Variants in LRRC28 observed in about 807,000 individuals in gnomAD.
LRRC28 encodes leucine-rich repeat-containing protein 28.
In LRRC28, 39 loss-of-function variants were observed where a neutral mutation model predicts 45.7. The ratio of observed to expected loss-of-function variants is 0.85; its 90% confidence interval spans 0.66 to 1.12. LRRC28 has a LOEUF of 1.12. Ranked by LOEUF, LRRC28 falls within the 50% of genes most tolerant of loss-of-function variation. The pLI is 0.00. For synonymous variants in LRRC28, 206 were observed against 178.8 expected (o/e 1.15, Z -1.22); for missense variants, 435 against 438.5 (o/e 0.99, Z 0.07).
At chr15:99,288,628 C>T (rs948940222) in intron 5 of LRRC28, among the ~76,000 whole-genome samples, 2 of 152,046 alleles carry the variant, frequency 1.3e-5, no homozygotes, top group Non-Finnish European at 2.9e-5. Context: ...GATCCACCTG[C>T]CTTGGCCTCC....
At chr15:99,379,506 G>C (rs1957751476) in intron 9 of LRRC28, among the ~76,000 whole-genome samples, 2 of 152,100 alleles carry the variant, frequency 1.3e-5, no homozygotes, top group Admixed American at 1.3e-4. Context: ...TGGATTGATT[G>C]ATTTTTTGAA....
chr15:99,256,367 A>T (rs1244253496), intron 2 of LRRC28: 1 of 320,368 alleles, frequency 3.1e-6, no homozygotes, highest in Non-Finnish European at 5.7e-6. Context: ...TGTATGACTT[A>T]TAAAGTTAGT....
intron 9 of LRRC28, among the ~76,000 whole-genome samples, chr15:99,370,133 A>G (rs1472565738): frequency 6.6e-6 from 1 of 152,240 alleles, no homozygotes; most frequent in Non-Finnish European, 1.5e-5. Flanking sequence ...AACTGGGCCA[A>G]GGTGTCATAG....
At chr15:99,285,102 A>G (rs2081922405) in intron 3 of LRRC28, 9 of 704,772 alleles carry the variant, frequency 1.3e-5, no homozygotes, top group Non-Finnish European at 2.1e-5. Flanking sequence ...TGACAGTCTT[A>G]TCCACGAAGT....
chr15:99,301,486 G>C (rs532374539), intron 5 of LRRC28, among the ~76,000 whole-genome samples: 3 of 152,114 alleles, frequency 2.0e-5, no homozygotes, highest in African/African-American at 7.2e-5. Context: ...TCCCACAACG[G>C]AATTCCATGG....
chr15:99,324,218 G>C (rs1285459790), intron 5 of LRRC28, among the ~76,000 whole-genome samples: 1 of 152,126 alleles, frequency 6.6e-6, no homozygotes, highest in East Asian at 1.9e-4. Flanking sequence ...ACTGGACTAA[G>C]GGCTGATTCA....
intron 5 of LRRC28, among the ~76,000 whole-genome samples, chr15:99,293,300 G>A (rs527430782): frequency 1.3e-5 from 2 of 152,006 alleles, no homozygotes; most frequent in South Asian, 4.1e-4. Context: ...TCAGTTGTCT[G>A]TAAAATACTA....
At position 99,350,142 on chromosome 15, in the gene LRRC28, C is replaced by CAA. The variant is rs71149462; in HGVS notation, c.593-2211_593-2210dup. Among the ~76,000 whole-genome samples the CAA allele has an allele frequency of 5.4e-3, 530 of 97,634 alleles. 4 individuals are homozygous for CAA. The highest frequency in any genetic ancestry group is 0.011 in the African/African-American group (259 of 22,772). 64.1% of individuals were successfully genotyped at this position (97,634 alleles called of 152,430 possible). A position where few individuals can be genotyped will look rare whatever the true frequency, so the allele number is the denominator to read the frequency against. Reference sequence around the variant, plus strand: ...TGGGCGACAGAGCGAGACTCCGTCTCAAAAAAAAAAAAAAAAAGAAAAATG... The same window carrying CAA: ...TGGGCGACAGAGCGAGACTCCGTCTCAAAAAAAAAAAAAAAAAAAGAAAAATG... On this transcript the variant is annotated intron_variant, in intron 6 of 9. Coordinates refer to ENST00000301981, the MANE Select transcript of LRRC28 (RefSeq NM_144598.5).
intron 5 of LRRC28, among the ~76,000 whole-genome samples, chr15:99,308,315 CTTAATCT>C (rs1472509623): frequency 6.6e-6 from 1 of 152,012 alleles, no homozygotes; most frequent in African/African-American, 2.4e-5. Context: ...AACATAAATA[CTTAATCT>C]TTAAAAAAAA....
chr15:99,328,361 G>A (rs992039426), intron 5 of LRRC28, among the ~76,000 whole-genome samples: 1 of 152,274 alleles, frequency 6.6e-6, no homozygotes, highest in Admixed American at 6.5e-5. Context: ...AATCCTGAAT[G>A]TTGAAATCCT....
intron 1 of LRRC28, among the ~76,000 whole-genome samples, chr15:99,252,205 C>T (rs905379406): frequency 3.3e-5 from 5 of 152,214 alleles, no homozygotes; most frequent in African/African-American, 7.2e-5. Context: ...AGGTAGTTTG[C>T]TTAACTAGGT....
intron 5 of LRRC28, among the ~76,000 whole-genome samples, chr15:99,295,874 T>C (rs1400232784): frequency 6.6e-6 from 1 of 152,198 alleles, no homozygotes; most frequent in Non-Finnish European, 1.5e-5. Context: ...TTTATTACCA[T>C]TTTTTTCTTA....
intron 3 of LRRC28, among the ~76,000 whole-genome samples, chr15:99,280,143 C>T (rs2081742457): frequency 6.6e-6 from 1 of 151,784 alleles, no homozygotes; most frequent in Admixed American, 6.6e-5. Flanking sequence ...TATTGCTCAT[C>T]TTCTGATTGT....
At chr15:99,372,549 A>G (rs978746903) in intron 9 of LRRC28, among the ~76,000 whole-genome samples, 1 of 151,960 alleles carries the variant, frequency 6.6e-6, no homozygotes, top group African/African-American at 2.4e-5. Context: ...TTAATACAAC[A>G]AGCAGATACA....
At chr15:99,296,406 CA>C (rs1224622393) in intron 5 of LRRC28, among the ~76,000 whole-genome samples, 1 of 152,192 alleles carries the variant, frequency 6.6e-6, no homozygotes, top group African/African-American at 2.4e-5. Context: ...CCCAGATATT[CA>C]AGGCTCTTCA....
In LRRC28 at chr15:99,304,736, C is replaced by T. The variant is rs140637642; in HGVS notation, c.385+16785C>T. Among the ~76,000 whole-genome samples, 706 of 152,158 alleles carry T rather than the reference C, an allele frequency of 4.6e-3. 5 individuals carry two copies. The highest frequency in any genetic ancestry group is 0.016 in the African/African-American group (661 of 41,526). ...TGCTGGGATTACAGGCATGAGCCACCGTGCCCAGCCTTATATATATTTCTT... is the reference window on the plus strand; with the variant it reads ...TGCTGGGATTACAGGCATGAGCCACTGTGCCCAGCCTTATATATATTTCTT... On this transcript the variant is annotated intron_variant, in intron 5 of 9. Transcript: ENST00000301981.
intron 2 of LRRC28, chr15:99,259,358 G>A (rs933189152): frequency 3.9e-5 from 61 of 1,549,240 alleles, no homozygotes; most frequent in East Asian, 1.8e-4. Flanking sequence ...GGCCCTTCCC[G>A]AATTTGATGG....
At chr15:99,280,203 G>A (rs1018260036) in intron 3 of LRRC28, among the ~76,000 whole-genome samples, 2 of 151,456 alleles carry the variant, frequency 1.3e-5, no homozygotes, top group Admixed American at 1.3e-4. Flanking sequence ...CTAGTTTTCT[G>A]TTCTATATGT....
chr15:99,312,893 C>G (rs1010115038), intron 5 of LRRC28, among the ~76,000 whole-genome samples: 4 of 152,002 alleles, frequency 2.6e-5, no homozygotes, highest in African/African-American at 9.7e-5. Context: ...AGACATGAGG[C>G]GTAATTTTAA....
Sources: allele counts gnomAD v4.1 joint callset (sites outside exome capture counted in the v4.1 genomes callset), GRCh38; gene constraint gnomAD v4.1.1; transcripts MANE v1.5; gene names NCBI Gene and HGNC (gene_info 2026-07-23, HGNC 2026-07-21).